Variants in CACNA1C observed in about 807,000 individuals in gnomAD.
The protein encoded by CACNA1C is calcium voltage-gated channel subunit alpha1 C.
CACNA1C carries 30 observed loss-of-function variants against 229.0 expected under a neutral mutation model. The observed-to-expected ratio is 0.13, with a 90% CI of 0.10 to 0.18. The LOEUF (loss-of-function observed/expected upper bound fraction) is 0.18. Ranked by LOEUF, CACNA1C falls within the 10% of genes least tolerant of loss-of-function variation. CACNA1C has a pLI of 1.00. For synonymous variants in CACNA1C, 1,114 were observed against 1,132.5 expected (o/e 0.98, Z 0.33); for missense variants, 1,658 against 2,845.0 (o/e 0.58, Z 9.49).
chr12:2,264,371 C>A (rs2081492694), intron 3 of CACNA1C, among the ~76,000 whole-genome samples: 1 of 152,178 alleles, frequency 6.6e-6, no homozygotes, highest in African/African-American at 2.4e-5. Context: ...AGATCAGAAG[C>A]CCTTGATTAG....
intron 3 of CACNA1C, among the ~76,000 whole-genome samples, chr12:2,350,605 G>T (rs1252698036): frequency 6.6e-6 from 1 of 152,202 alleles, no homozygotes; most frequent in Non-Finnish European, 1.5e-5. Context: ...GGCCATTGAT[G>T]CCCATGAACT....
chr12:2,691,455 T>G lies in CACNA1C; in HGVS notation c.*256T>G, dbSNP rs915990613. 5.8e-5 allele frequency: 22 copies of G among 379,336 alleles called. No individual in the cohort carries two copies. The highest frequency in any genetic ancestry group is 6.7e-4 in the Middle Eastern group (1 of 1,494). The allele number at this position is 379,336 out of a possible 1,614,324, so 23.5% of individuals were successfully genotyped here. On this transcript the variant is annotated 3_prime_UTR_variant, in exon 47 of 47. Transcript: ENST00000399655. ...AGGAAGGCGCCTGCCCTCTCCCAGCTCGCAGGCCCCGGGCCCGGCCGCGCC... is the reference window on the plus strand; with the variant it reads ...AGGAAGGCGCCTGCCCTCTCCCAGCGCGCAGGCCCCGGGCCCGGCCGCGCC...
rs117571613 is a variant in CACNA1C at position 2,684,399 on chromosome 12, G to T, written c.5574-1337G>T. Among the ~76,000 whole-genome samples, 314 of 152,258 alleles carry T rather than the reference G, an allele frequency of 2.1e-3. 10 individuals carry two copies. The South Asian group carries it at 0.041, about 20-fold the overall frequency. Reference sequence around the variant, plus strand: ...GGGAAATACCTGAAGCTCCTTATGAGATAACTGTCTCTAAATTGATTCTTA... The same window carrying T: ...GGGAAATACCTGAAGCTCCTTATGATATAACTGTCTCTAAATTGATTCTTA... On this transcript the variant is annotated intron_variant, in intron 43 of 46. Transcript: ENST00000399655.
In CACNA1C at chr12:2,646,016, CTT is replaced by C. The variant is rs1478745220; in HGVS notation, c.3913-2457_3913-2456del. On this transcript the variant is annotated intron_variant, in intron 30 of 46. Transcript: ENST00000399655. The surrounding 1 kb of genome is among the most constrained non-coding windows in gnomAD (Gnocchi z 4.6). ...CTACTGTCCTCATAGCTGCTCCTGA[CTT>C]TCTCTTGTCTGCCATTATAGAGACA... Among the ~76,000 whole-genome samples the C allele has an allele frequency of 6.6e-6, 1 of 152,180 alleles. No individual in the cohort carries two copies. The highest frequency in any genetic ancestry group is 1.5e-5 in the Non-Finnish European group (1 of 68,034).
At position 2,316,670 on chromosome 12, in the gene CACNA1C, C is replaced by T. The variant is rs567318389; in HGVS notation, c.478-132306C>T. 4.6e-5 allele frequency among the ~76,000 whole-genome samples: 7 copies of T among 152,228 alleles called. No individual in the cohort carries two copies. The South Asian group carries it at 1.0e-3, about 23-fold the overall frequency. The stretch of plus-strand genomic sequence containing the variant: ...ACCCCAATGGCCAAAAAGAGAAATC[C>T]CACCTTTCTTGTTGATGCCCAAACA... On this transcript the variant is annotated intron_variant, in intron 3 of 46. Coordinates refer to ENST00000399655, the MANE Select transcript of CACNA1C (RefSeq NM_000719.7).
intron 1 of CACNA1C, among the ~76,000 whole-genome samples, chr12:2,025,305 C>T (rs566361089): frequency 9.8e-5 from 15 of 152,312 alleles, no homozygotes; most frequent in South Asian, 2.1e-4. Flanking sequence ...TGATTCCAAG[C>T]GGTGGTGTCT....
At chr12:2,671,682 T>C (rs1004761102) in intron 38 of CACNA1C, among the ~76,000 whole-genome samples, 8 of 152,250 alleles carry the variant, frequency 5.3e-5, no homozygotes, top group Admixed American at 4.6e-4. Context: ...GGAAGACCAA[T>C]AGCTAGTAAC....
Position 2,181,708 on chromosome 12 carries a change from G to A in CACNA1C, c.477+61278G>A, listed in dbSNP as rs985368929. 1.3e-5 allele frequency among the ~76,000 whole-genome samples: 2 copies of A among 152,034 alleles called. No individual in the cohort carries two copies. The highest frequency in any genetic ancestry group is 2.9e-5 in the Non-Finnish European group (2 of 68,022). On this transcript the variant is annotated intron_variant, in intron 3 of 46. Transcript: ENST00000399655. The surrounding 1 kb of genome is among the most constrained non-coding windows in gnomAD (Gnocchi z 4.0). ...TGTAGGCCAGGGGACCCACATCCAC[G>A]ATATCGTTTTTTTACAGCTCATTAC...
chr12:2,258,097 G>A (rs2078679579), intron 3 of CACNA1C, among the ~76,000 whole-genome samples: 1 of 152,168 alleles, frequency 6.6e-6, no homozygotes, highest in Non-Finnish European at 1.5e-5. Flanking sequence ...GCTGTGTTTG[G>A]GGTCTGCCCT....
At chr12:2,332,677 C>A (rs1485394758) in intron 3 of CACNA1C, among the ~76,000 whole-genome samples, 1 of 152,038 alleles carries the variant, frequency 6.6e-6, no homozygotes, top group East Asian at 1.9e-4. Context: ...CTGGTGTAGC[C>A]CTACCATGGA....
Position 2,585,445 on chromosome 12 carries a change from G to T in CACNA1C, c.2409G>T (p.Lys803Asn). ...KPAVGESKEEKIELKSITADG... is the reference protein window; with the variant it reads ...KPAVGESKEENIELKSITADG... ...CAGTGGGGGAATCCAAGGAGGAGAA[G>T]ATTGAGCTGAAATCCATCACGGCTG... is the stretch of plus-strand genomic sequence containing the variant. The change falls in exon 17 of 47, where the codon AAG becomes AAT. Residue 803 changes from lysine (K) to asparagine (N), a missense_variant. Transcript: ENST00000399655. This position sits in a 1 kb window ranked among gnomAD's most constrained non-coding sequence, Gnocchi z 4.1. The T allele has an allele frequency of 1.2e-6, 2 of 1,600,282 alleles. No homozygotes were observed. Among genetic ancestry groups the T allele is most frequent in the Non-Finnish European group, 1.7e-6 (2 of 1,172,874 alleles).
In CACNA1C at chr12:2,679,312, G is replaced by A; in HGVS notation, c.5092-132G>A. On this transcript the variant is annotated intron_variant, in intron 41 of 46. Coordinates refer to ENST00000399655, the MANE Select transcript of CACNA1C (RefSeq NM_000719.7). This position sits in a 1 kb window ranked among gnomAD's most constrained non-coding sequence, Gnocchi z 5.5. ...TCAGGTGCTCCTGGCTCCCAGCAGG[G>A]CTGTGCCTACCCGAAAGAAGGCAGC... The A allele has an allele frequency of 1.5e-6, 1 of 649,922 alleles. No individual in the cohort carries two copies. The highest frequency in any genetic ancestry group is 2.6e-6 in the Non-Finnish European group (1 of 385,176). 40.3% of individuals were successfully genotyped at this position (649,922 alleles called of 1,614,324 possible).
Position 2,691,202 on chromosome 12 carries a change from G to T in CACNA1C, c.*3G>T. On this transcript the variant is annotated 3_prime_UTR_variant, in exon 47 of 47. Coordinates refer to ENST00000399655, the MANE Select transcript of CACNA1C (RefSeq NM_000719.7). The stretch of plus-strand genomic sequence containing the variant: ...GGGTCTACGTCAGCAGCCTGTAGTG[G>T]GCGCTGCCAGATGCGGGCTTTTTTT... 1.3e-6 allele frequency: 2 copies of T among 1,538,520 alleles called. No individual in the cohort carries two copies. Among genetic ancestry groups the T allele is most frequent in the Non-Finnish European group, 1.7e-6 (2 of 1,144,994 alleles).
chr12:2,469,622 G>A (rs1187620795), intron 5 of CACNA1C, among the ~76,000 whole-genome samples: 1 of 152,186 alleles, frequency 6.6e-6, no homozygotes, highest in Non-Finnish European at 1.5e-5. Flanking sequence ...GCTGTTGGAG[G>A]ATAATGGAAA....
chr12:2,370,285 C>G (rs1344659453), intron 3 of CACNA1C, among the ~76,000 whole-genome samples: 1 of 152,116 alleles, frequency 6.6e-6, no homozygotes, highest in Non-Finnish European at 1.5e-5. Context: ...TTTCTGGAAA[C>G]AATTTAGCAA....
At chr12:2,482,992 A>T (rs1390190034) in intron 5 of CACNA1C, among the ~76,000 whole-genome samples, 1 of 152,088 alleles carries the variant, frequency 6.6e-6, no homozygotes, top group Non-Finnish European at 1.5e-5. Context: ...CAATTCTTTC[A>T]TTCTTGTGGT....
chr12:2,607,049 A>G lies in CACNA1C; in HGVS notation c.3275A>G (p.Glu1092Gly). 1 of 1,613,978 alleles carries G rather than the reference A, an allele frequency of 6.2e-7. No individual in the cohort carries two copies. The highest frequency in any genetic ancestry group is 8.5e-7 in the Non-Finnish European group (1 of 1,179,880). Reference sequence around the variant, plus strand: ...CCCATCATCCAACCCCGCAGCTGGGAGAACAGCAAGTTTGACTTTGACAAT... The same window carrying G: ...CCCATCATCCAACCCCGCAGCTGGGGGAACAGCAAGTTTGACTTTGACAAT... ...DHPIIQPRSWENSKFDFDNVL... is the reference protein window; with the variant it reads ...DHPIIQPRSWGNSKFDFDNVL... The change falls in exon 26 of 47, where the codon GAG (glutamate) becomes GGG (glycine). Residue 1092 changes from glutamate to glycine, a missense_variant. By Grantham distance (98) the Glu-to-Gly change is moderately conservative. Coordinates refer to ENST00000399655, the MANE Select transcript of CACNA1C (RefSeq NM_000719.7).
chr12:2,643,430 A>G (rs982790562), intron 30 of CACNA1C, among the ~76,000 whole-genome samples: 1 of 152,096 alleles, frequency 6.6e-6, no homozygotes, highest in Admixed American at 6.5e-5. Flanking sequence ...GCTTTCAACT[A>G]CGCATACCTC....
intron 3 of CACNA1C, among the ~76,000 whole-genome samples, chr12:2,307,819 A>G (rs184319660): frequency 1.3e-5 from 2 of 152,310 alleles, no homozygotes; most frequent in Admixed American, 1.3e-4. Context: ...CTTCAATTCC[A>G]AAAGGCAATG....
Sources: allele counts gnomAD v4.1 joint callset (sites outside exome capture counted in the v4.1 genomes callset), GRCh38; gene constraint gnomAD v4.1.1; non-coding constraint Gnocchi (gnomAD v3.1); transcripts MANE v1.5; gene names NCBI Gene and HGNC (gene_info 2026-07-23, HGNC 2026-07-21).